PRKG1: variants seen among roughly 807,000 people sequenced by gnomAD.
The protein encoded by PRKG1 is cGMP-dependent protein kinase 1.
A neutral mutation model predicts 88.1 loss-of-function variants in PRKG1; 35 were observed. The observed-to-expected ratio is 0.40, with a 90% confidence interval of 0.30 to 0.53. The LOEUF (loss-of-function observed/expected upper bound fraction) is 0.53, where lower values mean the gene tolerates loss of function less well. Ranked by LOEUF, PRKG1 falls within the 20% of genes least tolerant of loss-of-function variation. PRKG1 has a pLI of 0.59. For synonymous variants in PRKG1, 303 were observed against 292.5 expected, an observed-to-expected ratio of 1.04 and a Z score of -0.37; for missense variants, 540 against 839.8, an observed-to-expected ratio of 0.64 and a Z score of 4.41.
At chr10:51,587,368 G>T (rs7099516) in intron 3 of PRKG1, among the ~76,000 whole-genome samples, 2 of 152,130 alleles carry the variant, frequency 1.3e-5, no homozygotes, top group South Asian at 4.2e-4. Flanking sequence ...TGTAAATTAC[G>T]CATGTCAAAC....
chr10:52,224,804 C>G (rs1396864876), intron 9 of PRKG1, among the ~76,000 whole-genome samples: 2 of 59,482 alleles, frequency 3.4e-5, no homozygotes, highest in African/African-American at 1.4e-4. Context: ...GCATAGTATT[C>G]CATCATATAT....
intron 1 of PRKG1, among the ~76,000 whole-genome samples, chr10:51,105,485 C>T (rs1844810391): frequency 2.0e-5 from 3 of 151,840 alleles, no homozygotes; most frequent in Admixed American, 6.6e-5. Context: ...AGACAGTGCA[C>T]GAAGGGAGAA....
chr10:51,179,955 C>G (rs1020126654), intron 2 of PRKG1, among the ~76,000 whole-genome samples: 3 of 152,282 alleles, frequency 2.0e-5, no homozygotes, highest in Non-Finnish European at 4.4e-5. Context: ...AGGACATTGC[C>G]TATAAAGAAA....
At chr10:51,633,090 A>G (rs2132284188) in intron 3 of PRKG1, among the ~76,000 whole-genome samples, 1 of 152,310 alleles carries the variant, frequency 6.6e-6, no homozygotes, top group South Asian at 2.1e-4. Context: ...TGACTAGCAG[A>G]ACACCTTTGA....
chr10:51,910,936 A>G (rs1337010248), intron 5 of PRKG1: 2 of 152,198 alleles, frequency 1.3e-5, no homozygotes, highest in Non-Finnish European at 2.9e-5. Flanking sequence ...AGTTAGAAAG[A>G]TAGTGAAAAT....
intron 2 of PRKG1, among the ~76,000 whole-genome samples, chr10:51,322,675 A>G (rs574293061): frequency 2.0e-5 from 3 of 152,240 alleles, no homozygotes; most frequent in Non-Finnish European, 4.4e-5. Context: ...TATTTTAAAA[A>G]TTGGATCTCC....
At chr10:51,663,300 T>TA (rs1055439491) in intron 3 of PRKG1, among the ~76,000 whole-genome samples, 1 of 152,132 alleles carries the variant, frequency 6.6e-6, no homozygotes, top group Admixed American at 6.6e-5. Flanking sequence ...TGAGAAACTC[T>TA]AAAAGAACTC....
intron 2 of PRKG1, among the ~76,000 whole-genome samples, chr10:51,281,015 T>A (rs1181153514): frequency 2.6e-5 from 4 of 152,250 alleles, no homozygotes; most frequent in Non-Finnish European, 5.9e-5. Flanking sequence ...TGCTCTTTGA[T>A]GATTGTGACG....
At chr10:51,987,195 T>A (rs1485937633) in intron 5 of PRKG1, among the ~76,000 whole-genome samples, 12 of 151,974 alleles carry the variant, frequency 7.9e-5, no homozygotes, top group Non-Finnish European at 1.5e-5. Flanking sequence ...ATGTAAGTGG[T>A]TTGCATGTAA....
At chr10:51,219,300 C>T (rs1004584630) in intron 2 of PRKG1, among the ~76,000 whole-genome samples, 29 of 152,062 alleles carry the variant, frequency 1.9e-4, no homozygotes, top group African/African-American at 5.8e-4. Context: ...TATGTTGATT[C>T]GCACTGGTCT....
chr10:51,490,884 T>C (rs1004588761), intron 3 of PRKG1, among the ~76,000 whole-genome samples: 2 of 152,072 alleles, frequency 1.3e-5, no homozygotes, highest in African/African-American at 2.4e-5. Flanking sequence ...AACTAGTTTA[T>C]GGAAATAATT....
chr10:51,352,812 G>A (rs1842279796), intron 2 of PRKG1, among the ~76,000 whole-genome samples: 1 of 151,814 alleles, frequency 6.6e-6, no homozygotes, highest in Admixed American at 6.6e-5. Flanking sequence ...AAGTTATATT[G>A]AGCAAAAATA....
chr10:51,651,032 G>A (rs1430022048), intron 3 of PRKG1, among the ~76,000 whole-genome samples: 1 of 152,196 alleles, frequency 6.6e-6, no homozygotes, highest in Non-Finnish European at 1.5e-5. Flanking sequence ...TGGAGCAAGA[G>A]ATGTTATTGA....
chr10:51,146,862 C>G (rs948835658), intron 1 of PRKG1, among the ~76,000 whole-genome samples: 3 of 152,118 alleles, frequency 2.0e-5, no homozygotes, highest in Admixed American at 6.5e-5. Context: ...TATTGCAGCA[C>G]TAGTCACAAT....
At chr10:52,110,516 A>AT (rs1847538028) in intron 7 of PRKG1, among the ~76,000 whole-genome samples, 1 of 151,708 alleles carries the variant, frequency 6.6e-6, no homozygotes, top group African/African-American at 2.4e-5. Flanking sequence ...TATTGAGAAA[A>AT]TTTTTTTCTC....
intron 3 of PRKG1, among the ~76,000 whole-genome samples, chr10:51,802,311 T>C (rs889530374): frequency 3.9e-5 from 6 of 152,174 alleles, no homozygotes; most frequent in Non-Finnish European, 8.8e-5. Flanking sequence ...AAATTTGCAA[T>C]CTCATCAAGC....
chr10:51,699,030 G>C, intron 3 of PRKG1: 1 of 1,614,240 alleles, frequency 6.2e-7, no homozygotes, highest in South Asian at 1.1e-5. Context: ...ACTTGTGCCT[G>C]CAACAGTGCA....
chr10:51,931,356 A>G (rs7070958), intron 5 of PRKG1, among the ~76,000 whole-genome samples: 60,142 of 151,964 alleles, frequency 0.4, 13,748 homozygotes, highest in African/African-American at 0.62. Flanking sequence ...GCTTATTTCC[A>G]TAATTCCAGT....
At chr10:51,145,734 A>G (rs1904694) in intron 1 of PRKG1, among the ~76,000 whole-genome samples, 67,516 of 151,946 alleles carry the variant, frequency 0.44, 15,147 homozygotes, top group African/African-American at 0.53. Flanking sequence ...CTCAATTAAT[A>G]TAAGCCTGCC....
Sources: gnomAD v4.1 joint callset for allele counts (sites outside exome capture counted in the v4.1 genomes callset) on GRCh38, gnomAD v4.1.1 for gene constraint, MANE v1.5 for transcripts, NCBI Gene and HGNC (gene_info 2026-07-23, HGNC 2026-07-21) for gene names.